Variants in THRA observed in about 807,000 individuals in gnomAD.
THRA encodes the protein EAR-7.
In THRA, 13 loss-of-function variants were observed where a neutral mutation model predicts 45.0. The observed-to-expected ratio is 0.29, with a 90% CI of 0.19 to 0.46. THRA has a LOEUF of 0.46. THRA is among the 20% of genes least tolerant of loss of function. The probability of loss-of-function intolerance (pLI) is 1.00; values close to 1 mark genes in which losing one functional copy is unlikely to be tolerated. For missense variants in THRA, 278 were observed against 556.1 expected, an observed-to-expected ratio of 0.50 and a Z score of 5.03; for synonymous variants, 195 against 214.0, an observed-to-expected ratio of 0.91 and a Z score of 0.78.
In THRA at chr17:40,086,810, C is replaced by T. The variant is rs1987335327; in HGVS notation, c.680C>T (p.Thr227Ile). Residue 227 changes from threonine to isoleucine, a missense_variant, in exon 7 of 9, where the codon ACC becomes ATC. Transcript: ENST00000450525. ...EFTKIITPAI[T>I]RVVDFAKKLP... ...ACCAAGATCATCACCCCGGCCATCACCCGTGTGGTGGACTTTGCCAAAAAA... is the reference window on the plus strand; with the variant it reads ...ACCAAGATCATCACCCCGGCCATCATCCGTGTGGTGGACTTTGCCAAAAAA... 6.8e-6 allele frequency: 11 copies of T among 1,614,034 alleles called. No homozygotes were observed. The highest frequency in any genetic ancestry group is 8.5e-6 in the Non-Finnish European group (10 of 1,180,038).
intron 1 of THRA, among the ~76,000 whole-genome samples, chr17:40,073,937 T>C (rs555719388): frequency 6.6e-6 from 1 of 152,224 alleles, no homozygotes; most frequent in South Asian, 2.1e-4. Context: ...CTGAGACATA[T>C]TACTTAGTAC....
At position 40,086,869 on chromosome 17, in the gene THRA, G is replaced by A. The variant is rs374938206; in HGVS notation, c.723+16G>A. ...GTTCTCCGAGGTGAGTGGCAGAAGTGGGGAGAGATGTGATGCTGTGCTGGA... is the reference window on the plus strand; with the variant it reads ...GTTCTCCGAGGTGAGTGGCAGAAGTAGGGAGAGATGTGATGCTGTGCTGGA... On this transcript the variant is annotated intron_variant, in intron 7 of 8. Transcript: ENST00000450525. 1.2e-6 allele frequency: 2 copies of A among 1,613,804 alleles called. No homozygotes were observed. Among genetic ancestry groups the A allele is most frequent in the Non-Finnish European group, 8.5e-7 (1 of 1,179,864 alleles).
At chr17:40,087,282 TACATAGAC>T (rs1987358265) in intron 7 of THRA, among the ~76,000 whole-genome samples, 1 of 120,018 alleles carries the variant, frequency 8.3e-6, no homozygotes, top group African/African-American at 3.4e-5. Flanking sequence ...GCCACACAGA[TACATAGAC>T]ACACACACAC....
At position 40,089,100 on chromosome 17, in the gene THRA, C is replaced by A; in HGVS notation, c.983-106C>A. On this transcript the variant is annotated intron_variant, in intron 8 of 8. Coordinates refer to ENST00000450525, the MANE Select transcript of THRA (RefSeq NM_199334.5). This position sits in a 1 kb window ranked among gnomAD's most constrained non-coding sequence, Gnocchi z 6.1. ...CCCTCCCCTCCCCCAGCCTCTCTGC[C>A]TCTATCTCCCCTCTAGTCCTTTCTT... is the stretch of plus-strand genomic sequence containing the variant. The A allele has an allele frequency of 8.9e-7, 1 of 1,118,882 alleles. No individual in the cohort carries two copies. The highest frequency in any genetic ancestry group is 1.3e-6 in the Non-Finnish European group (1 of 777,140). The allele number at this position is 1,118,882 out of a possible 1,614,324, so 69.3% of individuals were successfully genotyped here. A position where few individuals can be genotyped will look rare whatever the true frequency, so the allele number is the denominator to read the frequency against.
chr17:40,087,206 GAC>G (rs142111613), intron 7 of THRA, among the ~76,000 whole-genome samples: 74 of 102,232 alleles, frequency 7.2e-4, no homozygotes, highest in Non-Finnish European at 8.9e-4. Context: ...CCAGCACACA[GAC>G]ACACACACAC....
intron 4 of THRA, among the ~76,000 whole-genome samples, chr17:40,081,766 C>A (rs891647062): frequency 1.3e-5 from 2 of 151,810 alleles, no homozygotes; most frequent in Admixed American, 1.3e-4. Flanking sequence ...GAGTTCGAGA[C>A]CAGCCTGGCC....
chr17:40,075,246 C>T (rs1986910191), intron 2 of THRA, among the ~76,000 whole-genome samples: 1 of 143,736 alleles, frequency 7.0e-6, no homozygotes, highest in African/African-American at 2.6e-5. Flanking sequence ...AGCTTTGTCC[C>T]AGTTGGCACG....
chr17:40,073,245 CA>C (rs1353627837), intron 1 of THRA, among the ~76,000 whole-genome samples: 3 of 152,190 alleles, frequency 2.0e-5, no homozygotes, highest in Non-Finnish European at 4.4e-5. Flanking sequence ...GACAGTAAGC[CA>C]CAGGTCTGCA....
chr17:40,079,883 A>G (rs1479376249), intron 4 of THRA, among the ~76,000 whole-genome samples: 4 of 152,148 alleles, frequency 2.6e-5, no homozygotes, highest in South Asian at 4.1e-4. Context: ...CCTGGCCAAC[A>G]TGGTAAAAGC....
intron 6 of THRA, among the ~76,000 whole-genome samples, chr17:40,086,153 T>C (rs960919146): frequency 2.0e-5 from 3 of 152,160 alleles, no homozygotes; most frequent in Non-Finnish European, 4.4e-5. Flanking sequence ...CAGTTGGCTA[T>C]ACGTGGTGAA....
chr17:40,082,258 A>G (rs1469209578), intron 4 of THRA, among the ~76,000 whole-genome samples: 2 of 128,072 alleles, frequency 1.6e-5, no homozygotes, highest in African/African-American at 3.0e-5. Context: ...CTTGTTGCCC[A>G]GACTAGAGTG....
chr17:40,076,353 C>A (rs933623143), intron 2 of THRA, among the ~76,000 whole-genome samples: 1 of 152,154 alleles, frequency 6.6e-6, no homozygotes, highest in Middle Eastern at 3.2e-3. Flanking sequence ...TTGTGTAACA[C>A]ATGGGCATAT....
intron 2 of THRA, among the ~76,000 whole-genome samples, chr17:40,075,012 C>T (rs1317543807): frequency 1.5e-4 from 23 of 152,266 alleles, no homozygotes; most frequent in African/African-American, 9.6e-5. Context: ...AGCTTATATT[C>T]GGAATCTATT....
intron 1 of THRA, among the ~76,000 whole-genome samples, chr17:40,070,529 T>G (rs989054672): frequency 3.3e-5 from 5 of 152,130 alleles, no homozygotes; most frequent in African/African-American, 1.2e-4. Flanking sequence ...GTGGTGCCCG[T>G]GTTGGCATGG....
intron 5 of THRA, among the ~76,000 whole-genome samples, 177 bp downstream of exon 5, chr17:40,084,159 C>T (rs917833170): frequency 2.6e-5 from 4 of 152,164 alleles, no homozygotes; most frequent in Non-Finnish European, 4.4e-5. Context: ...CAAAAGGAAA[C>T]AGGATCCCTG....
At chr17:40,083,744 C>G in intron 4 of THRA, 91 bp from the exon 5 acceptor site, 10 of 1,478,544 alleles carry the variant, frequency 6.8e-6, no homozygotes, top group Non-Finnish European at 9.0e-6. Context: ...CTTCCTTGCT[C>G]TCCACCCCTG....
rs1003536722 is a variant in THRA, at chr17:40,089,831, TAC to T, written c.*383_*384del. ...GGGAAGATGCCCTCAACTCACCCCC[TAC>T]ACACACATGAGAGAGAGCCCCCACC... On this transcript the variant is annotated 3_prime_UTR_variant, in exon 9 of 9. Coordinates refer to ENST00000450525, the MANE Select transcript of THRA (RefSeq NM_199334.5). This position sits in a 1 kb window ranked among gnomAD's most constrained non-coding sequence, Gnocchi z 6.1. The T allele has an allele frequency of 1.7e-5, 19 of 1,091,944 alleles. No individual in the cohort carries two copies. In the African/African-American group the frequency reaches 2.8e-4, roughly 16 times the overall value. The allele number at this position is 1,091,944 out of a possible 1,614,324, so 67.6% of individuals were successfully genotyped here.
upstream of THRA, chr17:40,062,869 C>T (rs1190567163): frequency 1.4e-5 from 2 of 145,724 alleles, no homozygotes; most frequent in Non-Finnish European, 3.0e-5. Flanking sequence ...GAGCCCCAGC[C>T]GGAGCGGGGC....
In THRA at chr17:40,077,617, G is replaced by A; in HGVS notation, c.222+9G>A. ...CTTGTGAGGGCTGCAAGGTATGGAA[G>A]CTACCTCCTGCCCCTCCCCTGCCAC... On this transcript the variant is annotated intron_variant, in intron 4 of 8. Coordinates refer to ENST00000450525, the MANE Select transcript of THRA (RefSeq NM_199334.5). 6.2e-7 allele frequency: 1 copy of A among 1,610,772 alleles called. No individual in the cohort carries two copies. The highest frequency in any genetic ancestry group is 1.3e-5 in the African/African-American group (1 of 74,914).
Sources: allele counts gnomAD v4.1 joint callset (sites outside exome capture counted in the v4.1 genomes callset), GRCh38; gene constraint gnomAD v4.1.1; non-coding constraint Gnocchi (gnomAD v3.1); transcripts MANE v1.5; gene names NCBI Gene and HGNC (gene_info 2026-07-23, HGNC 2026-07-21).